The following AKAP6 variants were observed in gnomAD, a reference collection of about 807,000 sequenced individuals.
The protein encoded by AKAP6 is A-kinase anchor protein 6.
AKAP6 carries 58 observed loss-of-function variants against 188.5 expected under a neutral mutation model. That is an observed-to-expected ratio of 0.31 (90% CI 0.25 to 0.38). The LOEUF (loss-of-function observed/expected upper bound fraction) is 0.38. AKAP6 is among the 10% of genes least tolerant of loss of function. The probability of loss-of-function intolerance (pLI) is 1.00; values close to 1 mark genes in which losing one functional copy is unlikely to be tolerated. For missense variants in AKAP6, 2,710 were observed against 2,740.0 expected, an observed-to-expected ratio of 0.99 and a Z score of 0.24; for synonymous variants, 989 against 998.6, an observed-to-expected ratio of 0.99 and a Z score of 0.18.
chr14:32,570,322 T>TAA (rs1452959151), intron 4 of AKAP6, among the ~76,000 whole-genome samples: 5 of 150,982 alleles, frequency 3.3e-5, no homozygotes, highest in African/African-American at 1.2e-4. Context: ...CTTTTTTTTT[T>TAA]TAGCAGAGAC....
At position 32,568,107 on chromosome 14, in the gene AKAP6, GCT is replaced by G. The variant is rs1205045385; in HGVS notation, c.2347-9010_2347-9009del. Among the ~76,000 whole-genome samples, 1 of 152,112 alleles carries G rather than the reference GCT, an allele frequency of 6.6e-6. No homozygotes were observed. Among genetic ancestry groups the G allele is most frequent in the Non-Finnish European group, 1.5e-5 (1 of 68,014 alleles). ...TACAGGAAGAATGATCTAAAATAGG[GCT>G]CTGATAGGAATGATTGAACTGTGAC... On this transcript the variant is annotated intron_variant, in intron 4 of 13. Coordinates refer to ENST00000280979, the MANE Select transcript of AKAP6 (RefSeq NM_004274.5). The surrounding 1 kb of genome is among the most constrained non-coding windows in gnomAD (Gnocchi z 6.2).
At chr14:32,449,254 C>T (rs941747) in intron 2 of AKAP6, among the ~76,000 whole-genome samples, 86,340 of 151,968 alleles carry the variant, frequency 0.57, 26,397 homozygotes, top group African/African-American at 0.8. Context: ...ATGCCTGTAA[C>T]CCCAGCACTT....
At chr14:32,543,998 G>C (rs1449566273) in intron 3 of AKAP6, among the ~76,000 whole-genome samples, 2 of 152,178 alleles carry the variant, frequency 1.3e-5, no homozygotes, top group African/African-American at 4.8e-5. Flanking sequence ...AGTGAGTGGA[G>C]TAGGAGATAA....
At chr14:32,661,588 G>A (rs1888702409) in intron 7 of AKAP6, among the ~76,000 whole-genome samples, 1 of 152,108 alleles carries the variant, frequency 6.6e-6, no homozygotes, top group African/African-American at 2.4e-5. Flanking sequence ...ACCTTACTCA[G>A]TAGACTTGAT....
At chr14:32,444,477 T>C (rs1594620449) in intron 2 of AKAP6, among the ~76,000 whole-genome samples, 1 of 152,360 alleles carries the variant, frequency 6.6e-6, no homozygotes. Flanking sequence ...CTGTCCACTT[T>C]AACAATGTGG....
intron 1 of AKAP6, among the ~76,000 whole-genome samples, chr14:32,336,729 C>T (rs566419829): frequency 1.3e-5 from 2 of 152,170 alleles, no homozygotes; most frequent in Admixed American, 1.3e-4. Flanking sequence ...TTTTGCTGGC[C>T]CACTCAAAAT....
intron 7 of AKAP6, among the ~76,000 whole-genome samples, chr14:32,671,078 G>A (rs1465944873): frequency 6.6e-6 from 1 of 152,184 alleles, no homozygotes; most frequent in Non-Finnish European, 1.5e-5. Context: ...GACATGTTCA[G>A]CTACATGTGA....
intron 12 of AKAP6, among the ~76,000 whole-genome samples, chr14:32,781,268 C>T (rs1418604811): frequency 1.3e-5 from 2 of 151,206 alleles, no homozygotes; most frequent in Non-Finnish European, 2.9e-5. Flanking sequence ...ACTACAGCTT[C>T]TACCAATACT....
At chr14:32,336,318 C>T (rs1886700179) in intron 1 of AKAP6, among the ~76,000 whole-genome samples, 1 of 152,024 alleles carries the variant, frequency 6.6e-6, no homozygotes, top group African/African-American at 2.4e-5. Flanking sequence ...CTTCAAGGAT[C>T]AAGCCCCAGG....
At chr14:32,736,098 C>T (rs145586821) in intron 11 of AKAP6, among the ~76,000 whole-genome samples, 7 of 152,088 alleles carry the variant, frequency 4.6e-5, no homozygotes, top group African/African-American at 1.7e-4. Context: ...GAGGGGAAAT[C>T]TCTGCTGCAT....
At chr14:32,708,418 T>C (rs1300615217) in intron 9 of AKAP6, among the ~76,000 whole-genome samples, 2 of 146,922 alleles carry the variant, frequency 1.4e-5, no homozygotes, top group African/African-American at 5.0e-5. Context: ...AGAGAGAGAA[T>C]GAGCAAGAGA....
intron 8 of AKAP6, among the ~76,000 whole-genome samples, 171 bp from the exon 9 acceptor site, chr14:32,695,819 G>A (rs374595269): frequency 8.5e-5 from 13 of 152,118 alleles, no homozygotes; most frequent in African/African-American, 1.7e-4. Context: ...TGGCTGTGTC[G>A]CAGGTTTGAG....
At chr14:32,518,452 G>C (rs1881639563) in intron 2 of AKAP6, among the ~76,000 whole-genome samples, 1 of 152,108 alleles carries the variant, frequency 6.6e-6, no homozygotes, top group Non-Finnish European at 1.5e-5. Context: ...CTTGAAAAAA[G>C]ATTAGACGAA....
At chr14:32,809,663 C>A (rs1594969284) in intron 12 of AKAP6, among the ~76,000 whole-genome samples, 1 of 152,062 alleles carries the variant, frequency 6.6e-6, no homozygotes, top group East Asian at 1.9e-4. Flanking sequence ...AGTGGCTTTA[C>A]TAAATAACGA....
At chr14:32,453,556 A>G (rs943391232) in intron 2 of AKAP6, among the ~76,000 whole-genome samples, 2 of 144,186 alleles carry the variant, frequency 1.4e-5, no homozygotes, top group African/African-American at 5.0e-5. Context: ...TCCTGTGGAG[A>G]TAATAGAATT....
chr14:32,684,743 GTT>G (rs4007534), intron 8 of AKAP6, among the ~76,000 whole-genome samples: 33,316 of 148,878 alleles, frequency 0.22, 4,442 homozygotes, highest in East Asian at 0.57. Context: ...TGTACTTCAT[GTT>G]TTTTTTTTTG....
chr14:32,385,355 A>G (rs12893155), intron 1 of AKAP6, among the ~76,000 whole-genome samples: 138,209 of 151,278 alleles, frequency 0.91, 63,663 homozygotes, highest in Non-Finnish European at 0.97. Flanking sequence ...TTTTACTAAG[A>G]TTGTTATTTT....
In AKAP6 at chr14:32,483,007, A is replaced by ATGTGTGTG. The variant is rs796833606; in HGVS notation, c.324+49191_324+49192insGTGTGTGT. On this transcript the variant is annotated intron_variant, in intron 2 of 13. Coordinates refer to ENST00000280979, the MANE Select transcript of AKAP6 (RefSeq NM_004274.5). ...TGTGTGTGTATATATATATATATAT[A>ATGTGTGTG]TATATGTATCTTGCATTGGTAATTT... Among the ~76,000 whole-genome samples the ATGTGTGTG allele has an allele frequency of 5.4e-5, 8 of 147,708 alleles. No homozygotes were observed. The East Asian group carries it at 1.2e-3, about 21-fold the overall frequency.
In AKAP6 at chr14:32,797,786, G is replaced by GA. The variant is rs910702077; in HGVS notation, c.3589-23606dup. On this transcript the variant is annotated intron_variant, in intron 12 of 13. Transcript: ENST00000280979. Reference sequence around the variant, plus strand: ...TGTACCCATAAACTTAAAAGTTGAAGAAAAAAAAAACAACCCTAGAAGAAA... The same window carrying GA: ...TGTACCCATAAACTTAAAAGTTGAAGAAAAAAAAAAACAACCCTAGAAGAAA... 1.9e-3 allele frequency among the ~76,000 whole-genome samples: 277 copies of GA among 144,050 alleles called. 1 individual carries two copies. The highest frequency in any genetic ancestry group is 7.0e-3 in the Middle Eastern group (2 of 284). 94.5% of individuals were successfully genotyped at this position (144,050 alleles called of 152,430 possible).
Sources: allele counts gnomAD v4.1 joint callset (sites outside exome capture counted in the v4.1 genomes callset), GRCh38; gene constraint gnomAD v4.1.1; non-coding constraint Gnocchi (gnomAD v3.1); transcripts MANE v1.5; gene names NCBI Gene and HGNC (gene_info 2026-07-23, HGNC 2026-07-21).